The following GAS2L1 variants were observed in gnomAD, a reference collection of about 807,000 sequenced individuals.
The protein encoded by GAS2L1 is GAS2-like protein 1.
In GAS2L1, 26 loss-of-function variants were observed where a neutral mutation model predicts 44.0. That is an observed-to-expected ratio of 0.59 (90% CI 0.43 to 0.82). The LOEUF (loss-of-function observed/expected upper bound fraction) is 0.82. Among genes scored for constraint, GAS2L1 ranks in the 40% least tolerant of loss-of-function variants. The pLI is 0.00. For synonymous variants in GAS2L1, 426 were observed against 415.9 expected, an observed-to-expected ratio of 1.02 and a Z score of -0.30; for missense variants, 1,006 against 983.0, an observed-to-expected ratio of 1.02 and a Z score of -0.31.
chr22:29,310,833 G>C (rs568890997), exon 4 of GAS2L1: 2 of 1,609,060 alleles, frequency 1.2e-6, no homozygotes, highest in Admixed American at 1.7e-5. Context: ...GCAGCTCATC[G>C]CCCACCCCAG....
exon 1 of GAS2L1, chr22:29,307,929 C>G (rs1451496379): frequency 2.1e-6 from 1 of 466,464 alleles, no homozygotes; most frequent in East Asian, 3.3e-5. Context: ...ACCCATTTCG[C>G]AGATGAGGAA....
chr22:29,312,402 C>T (rs762934520), exon 5 of GAS2L1: 2 of 1,572,910 alleles, frequency 1.3e-6, no homozygotes, highest in East Asian at 2.3e-5. Context: ...CCCCACGCCT[C>T]GGGGCCCCCG....
rs1056936174 is a variant in GAS2L1, at chr22:29,311,198, C to T, written c.1010+200C>T. The T allele has an allele frequency of 4.6e-5, 28 of 605,376 alleles. No individual in the cohort carries two copies. The South Asian group carries it at 5.0e-4, about 11-fold the overall frequency. The allele number at this position is 605,376 out of a possible 1,614,324, so 37.5% of individuals were successfully genotyped here. A position where few individuals can be genotyped will look rare whatever the true frequency, so the allele number is the denominator to read the frequency against. On this transcript the variant is annotated intron_variant, in intron 4 of 4. Transcript: ENST00000618518. ...AGCTGGGGCGGGCCCTGTGGCTGGG[C>T]GGCAGCCAGTCCAGCTCTTGCTTCC...
upstream of GAS2L1, chr22:29,306,820 C>A (rs899256819): frequency 1.3e-5 from 2 of 152,412 alleles, no homozygotes; most frequent in Non-Finnish European, 2.9e-5. Flanking sequence ...GCGCCTGGGC[C>A]GGTCGCAGTT....
At chr22:29,309,613 T>C (rs569850971) in intron 1 of GAS2L1, among the ~76,000 whole-genome samples, 3 of 152,348 alleles carry the variant, frequency 2.0e-5, no homozygotes, top group African/African-American at 7.2e-5. Context: ...CATAGCCAGC[T>C]TGGCAGCGCT....
chr22:29,311,673 C>A, exon 5 of GAS2L1: 1 of 1,522,356 alleles, frequency 6.6e-7, no homozygotes, highest in South Asian at 1.2e-5. Context: ...GTCCCGAGAC[C>A]GGCTGGATCG....
At chr22:29,312,304 C>T (rs1383082100) in exon 5 of GAS2L1, 1 of 1,608,274 alleles carries the variant, frequency 6.2e-7, no homozygotes, top group East Asian at 2.2e-5. Context: ...CTAGATGCAC[C>T]TGGGAGCCCC....
exon 1 of GAS2L1, chr22:29,308,225 G>C (rs1228606668): frequency 6.2e-7 from 1 of 1,609,212 alleles, no homozygotes; most frequent in Non-Finnish European, 8.5e-7. Flanking sequence ...TCAATGCCTT[G>C]TACGGCCTGG....
rs1366973118 is a variant in GAS2L1, at chr22:29,310,631, C to A, written c.742-7C>A. 13 of 1,603,484 alleles carry A rather than the reference C, an allele frequency of 8.1e-6. No individual in the cohort carries two copies. Among genetic ancestry groups the A allele is most frequent in the Non-Finnish European group, 1.1e-5 (13 of 1,172,590 alleles). On this transcript the variant is annotated splice_region_variant and splice_polypyrimidine_tract_variant and intron_variant, in intron 2 of 4. Coordinates refer to ENST00000618518, the Ensembl canonical transcript of GAS2L1. ...GGGGCACAGCCGTGACCTGCCCACA[C>A]CTGCAGGTGCTGAGGAGCCACGTGA...
intron 1 of GAS2L1, among the ~76,000 whole-genome samples, chr22:29,308,988 G>C (rs189094885): frequency 9.2e-4 from 140 of 152,374 alleles, no homozygotes; most frequent in African/African-American, 3.1e-3. Context: ...CTCCTGGCAC[G>C]ATCTTCCCTC....
chr22:29,310,713 C>G, exon 3 of GAS2L1: 1 of 1,609,740 alleles, frequency 6.2e-7, no homozygotes, highest in Non-Finnish European at 8.5e-7. Flanking sequence ...CAAGCACGAC[C>G]CGTGCCGCTG....
exon 5 of GAS2L1, chr22:29,311,590 G>A: frequency 6.5e-7 from 1 of 1,540,820 alleles, no homozygotes; most frequent in Non-Finnish European, 8.7e-7. Context: ...GGCCCCCGGA[G>A]GGAGCGACCC....
intron 3 of GAS2L1, 38 bp downstream of exon 4, chr22:29,310,772 G>T (rs778796753): frequency 1.9e-6 from 3 of 1,605,838 alleles, no homozygotes; most frequent in Admixed American, 3.3e-5. Flanking sequence ...GACGGGCAGG[G>T]GACTTGCTTC....
At chr22:29,310,525 G>A (rs200625190) in exon 2 of GAS2L1, 36 of 1,609,012 alleles carry the variant, frequency 2.2e-5, no homozygotes, top group African/African-American at 5.3e-5. Flanking sequence ...TGGGGGACTC[G>A]AGCCTGCTCA....
chr22:29,312,619 T>G, exon 5 of GAS2L1: 1 of 602,190 alleles, frequency 1.7e-6, no homozygotes, highest in Non-Finnish European at 2.7e-6. Context: ...CCAGACCCCT[T>G]GGGACCACAT....
chr22:29,311,169 A>C (rs971802163), intron 4 of GAS2L1, 171 bp downstream of exon 5: 8 of 631,466 alleles, frequency 1.3e-5, no homozygotes, highest in Non-Finnish European at 2.2e-5. Context: ...CAAACCAACA[A>C]CACAGCTGGG....
exon 2 of GAS2L1, chr22:29,310,489 C>G: frequency 6.2e-7 from 1 of 1,612,536 alleles, no homozygotes; most frequent in Non-Finnish European, 8.5e-7. Context: ...TTCCCATGAT[C>G]AAGGTCTCAG....
chr22:29,308,814 G>T (rs2061376475), intron 1 of GAS2L1, 76 bp downstream of exon 2: 2 of 1,183,210 alleles, frequency 1.7e-6, no homozygotes, highest in Non-Finnish European at 2.3e-6. Flanking sequence ...AACCTCCCAG[G>T]GTCCACCCTG....
At chr22:29,308,843 G>T (rs760119921) in intron 1 of GAS2L1, 105 bp downstream of exon 2, 58 of 916,534 alleles carry the variant, frequency 6.3e-5, no homozygotes, top group Non-Finnish European at 8.6e-5. Context: ...AGAACAGTCT[G>T]CCCCACAAAA....
Sources: gnomAD v4.1 joint callset for allele counts (sites outside exome capture counted in the v4.1 genomes callset) on GRCh38, gnomAD v4.1.1 for gene constraint, MANE v1.5 for transcripts, NCBI Gene and HGNC (gene_info 2026-07-23, HGNC 2026-07-21) for gene names.